Variants in EPRS1 observed in about 807,000 individuals in gnomAD.
EPRS1 encodes bifunctional glutamate/proline--tRNA ligase.
Under a neutral mutation model 188.3 loss-of-function variants are expected in EPRS1, and 107 were observed. That is an observed-to-expected ratio of 0.57 (90% confidence interval 0.49 to 0.67). The LOEUF (loss-of-function observed/expected upper bound fraction) is 0.67. Ranked by LOEUF, EPRS1 falls within the 30% of genes least tolerant of loss-of-function variation. The probability of loss-of-function intolerance (pLI) is 0.00; values close to 1 mark genes in which losing one functional copy is unlikely to be tolerated. For missense variants in EPRS1, 1,577 were observed against 1,802.2 expected, an observed-to-expected ratio of 0.88 and a Z score of 2.26; for synonymous variants, 596 against 593.1, an observed-to-expected ratio of 1.00 and a Z score of -0.07.
intron 2 of EPRS1, among the ~76,000 whole-genome samples, 182 bp downstream of exon 2, chr1:220,040,003 T>A (rs181121033): frequency 6.6e-6 from 1 of 152,276 alleles, no homozygotes; most frequent in East Asian, 1.9e-4. Context: ...TGTGGAGGCA[T>A]GTGCCTGCAG....
In EPRS1 at chr1:220,033,595, T is replaced by C. The variant is rs760294742; in HGVS notation, c.295A>G (p.Ile99Val). Residue 99 changes from isoleucine (I) to valine (V), a missense_variant, in exon 4 of 32, where the codon ATT becomes GTT. Coordinates refer to ENST00000366923, the MANE Select transcript of EPRS1 (RefSeq NM_004446.3). ...LSSCDSFTST[I>V]NELNHCLSLR... ...GACAGGCAATGATTGAGTTCATTAA[T>C]TGTAGAAGTAAAGGAATCACATGAA... 1.2e-6 allele frequency: 2 copies of C among 1,609,076 alleles called. No homozygotes were observed. Among genetic ancestry groups the C allele is most frequent in the South Asian group, 1.1e-5 (1 of 90,908 alleles).
intron 27 of EPRS1, 123 bp from the exon 28 acceptor site, chr1:219,978,842 CTT>C: frequency 1.5e-6 from 1 of 666,484 alleles, no homozygotes; most frequent in African/African-American, 1.8e-5. Context: ...GATTTCTAAT[CTT>C]ATATATAATG....
At chr1:220,024,965 T>C in intron 7 of EPRS1, 167 bp downstream of exon 7, 1 of 642,102 alleles carries the variant, frequency 1.6e-6, no homozygotes, top group East Asian at 2.9e-5. Flanking sequence ...AGTTTTTTGG[T>C]ATGGGAGCTC....
chr1:220,025,206 C>T lies in EPRS1; in HGVS notation c.676G>A (p.Val226Ile), dbSNP rs772018425. Residue 226 changes from valine (V) to isoleucine (I), a missense_variant, in exon 7 of 32, where the codon GTT becomes ATT. Transcript: ENST00000366923. ...KAALLNQHYQ[V>I]NFKGKLIMRF... ...ATGATCAGTTTCCCTTTAAAGTTAA[C>T]CTGGTAGTGCTGGTTCAGAAGAGCA... is the stretch of plus-strand genomic sequence containing the variant. 9 of 1,612,322 alleles carry T rather than the reference C, an allele frequency of 5.6e-6. 1 individual carries two copies. The highest frequency in any genetic ancestry group is 3.3e-5 in the South Asian group (3 of 90,962).
At chr1:220,001,545 G>A (rs867576379) in intron 16 of EPRS1, among the ~76,000 whole-genome samples, 3 of 152,040 alleles carry the variant, frequency 2.0e-5, no homozygotes, top group Admixed American at 6.5e-5. Context: ...ATTTTTAGTA[G>A]AGCCTGGTCT....
chr1:220,007,909 C>T (rs1661523204), intron 13 of EPRS1, among the ~76,000 whole-genome samples: 1 of 152,124 alleles, frequency 6.6e-6, no homozygotes, highest in Admixed American at 6.5e-5. Flanking sequence ...AGATCGAGAT[C>T]ATCCTGGCTA....
At chr1:220,027,508 C>T (rs1662001634) in intron 6 of EPRS1, among the ~76,000 whole-genome samples, 1 of 139,726 alleles carries the variant, frequency 7.2e-6, no homozygotes, top group African/African-American at 2.7e-5. Flanking sequence ...AGGAGAATTG[C>T]TTGAACCTGG....
At position 219,983,355 on chromosome 1, in the gene EPRS1, C is replaced by A; in HGVS notation, c.3134G>T (p.Gly1045Val). The A allele has an allele frequency of 1.9e-6, 3 of 1,613,856 alleles. No homozygotes were observed. The highest frequency in any genetic ancestry group is 1.7e-6 in the Non-Finnish European group (2 of 1,179,810). The change falls in exon 22 of 32, where the codon GGC becomes GTC. Residue 1045 changes from glycine to valine, a missense_variant. Physicochemically the swap from Gly to Val is moderately radical, Grantham distance 109 (BLOSUM62 -3). Around this residue, in one of 3 missense-constraint regions of EPRS1, gnomAD observed 1,278 missense variants for 1,457.4 expected, o/e 0.88. Coordinates refer to ENST00000366923, the MANE Select transcript of EPRS1 (RefSeq NM_004446.3). ...GGCCCAGGGACGAAGAATATAACAG[C>A]CACTTATGTCATGGTATTCAATCAT... ...SEMIEYHDIS[G>V]CYILRPWAYA... is the part of the protein sequence containing the mutation.
intron 6 of EPRS1, among the ~76,000 whole-genome samples, chr1:220,029,419 G>A (rs1662045962): frequency 6.6e-6 from 1 of 152,112 alleles, no homozygotes; most frequent in Non-Finnish European, 1.5e-5. Flanking sequence ...AATTCTAAAA[G>A]CAATTTTACT....
intron 17 of EPRS1, among the ~76,000 whole-genome samples, chr1:220,000,293 T>C (rs566324914): frequency 6.3e-4 from 96 of 152,338 alleles, no homozygotes; most frequent in African/African-American, 2.3e-3. Flanking sequence ...CCATGAGTTA[T>C]TGAATAATAT....
At chr1:219,980,325 TTG>T in intron 25 of EPRS1, 85 bp from the exon 26 acceptor site, 1 of 1,031,470 alleles carries the variant, frequency 9.7e-7, no homozygotes. Context: ...TTAAGACTAA[TTG>T]TGTGGGAAAA....
intron 16 of EPRS1, among the ~76,000 whole-genome samples, chr1:220,004,298 T>G (rs1454244801): frequency 6.6e-6 from 1 of 152,156 alleles, no homozygotes; most frequent in African/African-American, 2.4e-5. Flanking sequence ...CCTTGCAAAG[T>G]GCTGGGATTA....
intron 1 of EPRS1, among the ~76,000 whole-genome samples, chr1:220,044,536 C>A (rs1015526377): frequency 6.6e-6 from 1 of 151,898 alleles, no homozygotes; most frequent in South Asian, 2.1e-4. Context: ...ACCAGCCTGG[C>A]CAACATGGCA....
chr1:220,024,208 T>C (rs993142987), intron 8 of EPRS1, 56 bp downstream of exon 8: 1 of 1,172,854 alleles, frequency 8.5e-7, no homozygotes, highest in Non-Finnish European at 1.2e-6. Context: ...AATCACGTTC[T>C]ACTAAAGAAG....
chr1:220,043,469 C>T (rs111812664), intron 1 of EPRS1, among the ~76,000 whole-genome samples: 1,582 of 152,076 alleles, frequency 0.01, 42 homozygotes, highest in African/African-American at 0.036. Context: ...GTCACTATCT[C>T]GCAAACATCA....
intron 21 of EPRS1, among the ~76,000 whole-genome samples, chr1:219,983,924 T>A (rs1207832801): frequency 3.3e-5 from 5 of 150,630 alleles, no homozygotes; most frequent in African/African-American, 4.9e-5. Flanking sequence ...TGAATTCCAA[T>A]CCTGCCTCTG....
Position 219,980,193 on chromosome 1 carries a change from CAGG to C in EPRS1, c.3600_3602del (p.Leu1201del). The stretch of plus-strand genomic sequence containing the variant: ...TTCTTCCTTTAACAACAGGAATTGC[CAGG>C]AGTTCTTCATATACCTGAGCATATA... On this transcript the variant is annotated inframe_deletion, in exon 26 of 32. Coordinates refer to ENST00000366923, the MANE Select transcript of EPRS1 (RefSeq NM_004446.3). 6.2e-7 allele frequency: 1 copy of C among 1,613,266 alleles called. No homozygotes were observed. Among genetic ancestry groups the C allele is most frequent in the Non-Finnish European group, 8.5e-7 (1 of 1,179,458 alleles).
chr1:219,971,213 C>T (rs891440288), intron 30 of EPRS1, among the ~76,000 whole-genome samples: 2 of 152,136 alleles, frequency 1.3e-5, no homozygotes, highest in Non-Finnish European at 2.9e-5. Context: ...GTTGTATATT[C>T]AAACATGTAT....
rs1661893947 is a variant in EPRS1 at position 220,022,362 on chromosome 1, G to A, written c.1100C>T (p.Thr367Ile). ...ATATACTTACTTGTATTTATTTCCA[G>A]TTCTTGGATGTGGTTGAATTTTGCA... is the stretch of plus-strand genomic sequence containing the variant. ...YRCKIQPHPR[T>I]GNKYNVYPTY... The change falls in exon 9 of 32, where the codon ACT becomes ATT. Residue 367 changes from threonine (T) to isoleucine (I), a missense_variant. By Grantham distance (89) the Thr-to-Ile change is moderately conservative. Coordinates refer to ENST00000366923, the MANE Select transcript of EPRS1 (RefSeq NM_004446.3). 6.2e-7 allele frequency: 1 copy of A among 1,612,978 alleles called. No individual in the cohort carries two copies. Among genetic ancestry groups the A allele is most frequent in the Non-Finnish European group, 8.5e-7 (1 of 1,179,564 alleles).
Sources: allele counts gnomAD v4.1 joint callset (sites outside exome capture counted in the v4.1 genomes callset), GRCh38; gene constraint gnomAD v4.1.1; regional missense constraint gnomAD v4.1.1; transcripts MANE v1.5; gene names NCBI Gene and HGNC (gene_info 2026-07-23, HGNC 2026-07-21).